DIDO1: variants seen among roughly 807,000 people sequenced by gnomAD.
The protein encoded by DIDO1 is death inducer-obliterator 1.
Under a neutral mutation model 99.4 loss-of-function variants are expected in DIDO1, and 16 were observed. That is an observed-to-expected ratio of 0.16 (90% CI 0.11 to 0.24). The LOEUF (loss-of-function observed/expected upper bound fraction) is 0.24. Among genes scored for constraint, DIDO1 ranks in the 10% least tolerant of loss-of-function variants. The pLI, the probability that DIDO1 is intolerant of heterozygous loss-of-function variation, is 1.00. For synonymous variants in DIDO1, 1,366 were observed against 1,239.1 expected (o/e 1.10, Z -2.15); for missense variants, 2,996 against 3,014.0 (o/e 0.99, Z 0.14).
At position 62,880,567 on chromosome 20, in the gene DIDO1, G is replaced by A. The variant is rs752048655; in HGVS notation, c.5389C>T (p.Pro1797Ser). Residue 1797 changes from proline to serine, a missense_variant, in exon 16 of 16, where the codon CCA becomes TCA. Around this residue, in one of 5 missense-constraint regions of DIDO1, gnomAD observed 1,562 missense variants for 1,412.6 expected, o/e 1.11. Transcript: ENST00000395343. The stretch of plus-strand genomic sequence containing the variant: ...CCCTTCTGGGCTCCGAATCTGGCTG[G>A]CGGAGGCCCTCGTGGCCCATCGTTA... ...ASNDGPRGPP[P>S]ARFGAQKGPI... 11 of 1,612,840 alleles carry A rather than the reference G, an allele frequency of 6.8e-6. No homozygotes were observed. The highest frequency in any genetic ancestry group is 1.7e-5 in the Admixed American group (1 of 60,012).
intron 2 of DIDO1, among the ~76,000 whole-genome samples, chr20:62,912,011 C>T (rs1390740645): frequency 6.6e-6 from 1 of 152,226 alleles, no homozygotes; most frequent in Non-Finnish European, 1.5e-5. Flanking sequence ...CTCCCCAGCA[C>T]CTCCGCAGGC....
chr20:62,883,217 C>T (rs941074254), intron 15 of DIDO1, among the ~76,000 whole-genome samples: 1 of 151,946 alleles, frequency 6.6e-6, no homozygotes, highest in African/African-American at 2.4e-5. Context: ...AGCCACCGCA[C>T]CCGGACCCCT....
intron 6 of DIDO1, among the ~76,000 whole-genome samples, chr20:62,902,992 C>CGG (rs2064717211): frequency 6.6e-6 from 1 of 152,072 alleles, no homozygotes; most frequent in Admixed American, 6.6e-5. Context: ...CTCAGAAAAA[C>CGG]ATTTCCAACT....
At chr20:62,910,652 C>G in intron 3 of DIDO1, 122 bp downstream of exon 3, 4 of 1,201,684 alleles carry the variant, frequency 3.3e-6, no homozygotes, top group Non-Finnish European at 4.7e-6. Context: ...TTTTTGACAA[C>G]TTGTTCATCT....
chr20:62,926,906 G>T (rs28366064), upstream of DIDO1, among the ~76,000 whole-genome samples: 35,279 of 152,180 alleles, frequency 0.23, 4,345 homozygotes, highest in East Asian at 0.34. Flanking sequence ...AGAGGTGTAG[G>T]GGGGCGGGGA....
Position 62,879,570 on chromosome 20 carries a change from C to G in DIDO1, c.6386G>C (p.Trp2129Ser). Residue 2129 changes from tryptophan (W) to serine (S), a missense_variant, in exon 16 of 16, where the codon TGG becomes TCG. Around this residue, in one of 5 missense-constraint regions of DIDO1, gnomAD observed 1,562 missense variants for 1,412.6 expected, o/e 1.11. Coordinates refer to ENST00000395343, the MANE Select transcript of DIDO1 (RefSeq NM_001193369.2). This position sits in a 1 kb window ranked among gnomAD's most constrained non-coding sequence, Gnocchi z 6.3. The part of the protein sequence containing the change: ...RGRNWSRERD[W>S]DRPREWDRHR... Reference sequence around the variant, plus strand: ...TCGGTCCCACTCCCGGGGCCGGTCCCAGTCCCGCTCTCGGCTCCAGTTTCG... The same window carrying G: ...TCGGTCCCACTCCCGGGGCCGGTCCGAGTCCCGCTCTCGGCTCCAGTTTCG... 2.5e-6 allele frequency: 4 copies of G among 1,602,042 alleles called. No homozygotes were observed. The highest frequency in any genetic ancestry group is 3.4e-6 in the Non-Finnish European group (4 of 1,179,524).
rs551196905 is a variant in DIDO1, at chr20:62,879,432, C to T, written c.6524G>A (p.Arg2175Gln). Residue 2175 changes from arginine (R) to glutamine (Q), a missense_variant, in exon 16 of 16, where the codon CGG (arginine) becomes CAG (glutamine). By Grantham distance (43) the Arg-to-Gln change is conservative. This residue lies in a region of DIDO1 where 1,562 missense variants were observed against 1,412.6 expected (regional missense o/e 1.11). Coordinates refer to ENST00000395343, the MANE Select transcript of DIDO1 (RefSeq NM_001193369.2). The surrounding 1 kb of genome is among the most constrained non-coding windows in gnomAD (Gnocchi z 6.3). The part of the protein sequence containing the change: ...RGKEWDRSRE[R>Q]SRNRERERDR... ...TCGCTCGCGCTCTCGGTTCCTGCTC[C>T]GCTCCCGGCTGCGGTCCCACTCCTT... The T allele has an allele frequency of 1.3e-6, 2 of 1,546,848 alleles. No individual in the cohort carries two copies. Among genetic ancestry groups the T allele is most frequent in the Admixed American group, 1.9e-5 (1 of 51,654 alleles).
chr20:62,910,914 G>C lies in DIDO1; in HGVS notation c.699C>G (p.Asp233Glu), dbSNP rs771675562. 5.0e-6 allele frequency: 8 copies of C among 1,613,956 alleles called. No homozygotes were observed. The highest frequency in any genetic ancestry group is 1.6e-4 in the Middle Eastern group (1 of 6,084). Residue 233 changes from aspartate (D) to glutamate (E), a missense_variant, in exon 3 of 16, where the codon GAC (aspartate) becomes GAG (glutamate). Physicochemically the swap from Asp to Glu is conservative, Grantham distance 45. Coordinates refer to ENST00000395343, the MANE Select transcript of DIDO1 (RefSeq NM_001193369.2). ...CCTTTCCCTCCAACTTACTCTCTCT[G>C]TCATCTTTCCCAGCCTGGGACACAA... Reference protein sequence around the residue: ...QGVVSQAGKDDRESKLEGKAA... With the variant: ...QGVVSQAGKDERESKLEGKAA...
rs561019656 is a variant in DIDO1, at chr20:62,896,033, G to A, written c.2214+200C>T. Among the ~76,000 whole-genome samples, 4 of 152,286 alleles carry A rather than the reference G, an allele frequency of 2.6e-5. No homozygotes were observed. The highest frequency in any genetic ancestry group is 7.2e-5 in the African/African-American group (3 of 41,556). On this transcript the variant is annotated intron_variant, in intron 8 of 15. Coordinates refer to ENST00000395343, the MANE Select transcript of DIDO1 (RefSeq NM_001193369.2). This position sits in a 1 kb window ranked among gnomAD's most constrained non-coding sequence, Gnocchi z 4.4. ...AAGCCAGGAAGCGGACGCGACCCTA[G>A]TTAAGGCAGGGAAGGGAAGGGGTTT...
At chr20:62,898,415 G>A (rs1168170667) in intron 6 of DIDO1, among the ~76,000 whole-genome samples, 2 of 152,212 alleles carry the variant, frequency 1.3e-5, no homozygotes, top group Non-Finnish European at 2.9e-5. Context: ...TACAAAACTT[G>A]CAACAGTACT....
intron 15 of DIDO1, chr20:62,889,076 C>T (rs555055079): frequency 1.5e-5 from 15 of 985,388 alleles, no homozygotes; most frequent in African/African-American, 1.7e-5. Flanking sequence ...CCTTGGTGGG[C>T]GAGTGTGACG....
rs151298537 is a variant in DIDO1 at position 62,894,060 on chromosome 20, T to C, written c.2707A>G (p.Met903Val). 3 of 1,614,118 alleles carry C rather than the reference T, an allele frequency of 1.9e-6. No individual in the cohort carries two copies. In the African/African-American group the frequency reaches 4.0e-5, roughly 22 times the overall value. The change falls in exon 12 of 16, where the codon ATG becomes GTG. Residue 903 changes from methionine to valine, a missense_variant. Physicochemically the swap from Met to Val is conservative, Grantham distance 21. Around this residue, in one of 5 missense-constraint regions of DIDO1, gnomAD observed 898 missense variants for 972.7 expected, o/e 0.92. Coordinates refer to ENST00000395343, the MANE Select transcript of DIDO1 (RefSeq NM_001193369.2). The surrounding 1 kb of genome is among the most constrained non-coding windows in gnomAD (Gnocchi z 4.4). ...DPAPDSADEV[M>V]PEAVPEVASE... Reference sequence around the variant, plus strand: ...GCAACTTCAGGCACAGCCTCCGGCATCACCTCATCAGCTGAATCCGGAGCT... The same window carrying C: ...GCAACTTCAGGCACAGCCTCCGGCACCACCTCATCAGCTGAATCCGGAGCT...
intron 1 of DIDO1, among the ~76,000 whole-genome samples, chr20:62,935,604 G>A (rs1236435799): frequency 3.3e-5 from 5 of 152,212 alleles, no homozygotes; most frequent in Non-Finnish European, 5.9e-5. Context: ...GGCCCAGACT[G>A]AGAGCACAGC....
At chr20:62,936,736 C>T (rs1323546845) in intron 1 of DIDO1, among the ~76,000 whole-genome samples, 5 of 138,046 alleles carry the variant, frequency 3.6e-5, no homozygotes, top group Admixed American at 7.2e-5. Context: ...TGGTGGTGCG[C>T]CCCTGTGGTC....
At position 62,907,321 on chromosome 20, in the gene DIDO1, G is replaced by A. The variant is rs1300973797; in HGVS notation, c.1200C>T (p.Pro400=). 8.1e-6 allele frequency: 13 copies of A among 1,613,964 alleles called. No individual in the cohort carries two copies. The highest frequency in any genetic ancestry group is 4.5e-5 in the East Asian group (2 of 44,900). ...CGGGCTGCGCCACGTGACAGCACCC[G>A]GGGCCAATACATTTTGAGGCACCAG... ...EAPGASKCIG[P]GCCHVAQPDS... The change falls in exon 5 of 16, where the codon CCC becomes CCT. Residue 400 remains proline, a synonymous_variant. Coordinates refer to ENST00000395343, the MANE Select transcript of DIDO1 (RefSeq NM_001193369.2).
chr20:62,881,419 G>A lies in DIDO1; in HGVS notation c.4537C>T (p.His1513Tyr), dbSNP rs748215439. 2 of 1,607,838 alleles carry A rather than the reference G, an allele frequency of 1.2e-6. No homozygotes were observed. The highest frequency in any genetic ancestry group is 2.2e-5 in the South Asian group (2 of 91,074). The part of the protein sequence containing the change: ...QRAAVGVSMA[H>Y]FSVSDALMSP... ...ATCAAGGCGTCCGACACCGAGAAGTGGGCCATGGAGACCCCGACGGCGGCC... is the reference window on the plus strand; with the variant it reads ...ATCAAGGCGTCCGACACCGAGAAGTAGGCCATGGAGACCCCGACGGCGGCC... Residue 1513 changes from histidine (H) to tyrosine (Y), a missense_variant, in exon 16 of 16, where the codon CAC becomes TAC. Around this residue, in one of 5 missense-constraint regions of DIDO1, gnomAD observed 1,562 missense variants for 1,412.6 expected, o/e 1.11. Coordinates refer to ENST00000395343, the MANE Select transcript of DIDO1 (RefSeq NM_001193369.2). This position sits in a 1 kb window ranked among gnomAD's most constrained non-coding sequence, Gnocchi z 8.3.
chr20:62,914,840 A>G (rs910565725), intron 1 of DIDO1, among the ~76,000 whole-genome samples: 3 of 152,274 alleles, frequency 2.0e-5, no homozygotes, highest in African/African-American at 7.2e-5. Flanking sequence ...TAAGAATGTA[A>G]TAATTGAAAA....
chr20:62,932,333 A>G (rs188992980), intron 1 of DIDO1, among the ~76,000 whole-genome samples: 1 of 152,344 alleles, frequency 6.6e-6, no homozygotes, highest in East Asian at 1.9e-4. Context: ...TTCTACTTCT[A>G]CCTGCCCATC....
At chr20:62,888,370 A>G (rs904001885) in intron 15 of DIDO1, 2 of 985,376 alleles carry the variant, frequency 2.0e-6, no homozygotes, top group African/African-American at 3.5e-5. Context: ...CCTGATGCAG[A>G]CGGGCAGCTC....
Sources: gnomAD v4.1 joint callset for allele counts (sites outside exome capture counted in the v4.1 genomes callset) on GRCh38, gnomAD v4.1.1 for gene constraint, gnomAD v4.1.1 regional missense constraint, Gnocchi (gnomAD v3.1) non-coding constraint, MANE v1.5 for transcripts, NCBI Gene and HGNC (gene_info 2026-07-23, HGNC 2026-07-21) for gene names.